Variants in TGFBR2 observed in about 807,000 individuals in gnomAD.
The protein encoded by TGFBR2 is TGF-beta receptor type-2.
A neutral mutation model predicts 49.0 loss-of-function variants in TGFBR2; 18 were observed. That is an observed-to-expected ratio of 0.37 (90% CI 0.25 to 0.54). TGFBR2 has a LOEUF of 0.54. Among genes scored for constraint, TGFBR2 ranks in the 20% least tolerant of loss-of-function variants. The pLI is 0.85. For missense variants in TGFBR2, 525 were observed against 722.6 expected (o/e 0.73, Z 3.13); for synonymous variants, 282 against 275.9 (o/e 1.02, Z -0.22).
At chr3:30,657,990 G>C (rs1699039819) in intron 3 of TGFBR2, among the ~76,000 whole-genome samples, 1 of 152,210 alleles carries the variant, frequency 6.6e-6, no homozygotes, top group South Asian at 2.1e-4. Flanking sequence ...ATACCGAGCA[G>C]GGGTCTGCAA....
chr3:30,681,172 A>G (rs1445071433), intron 5 of TGFBR2, among the ~76,000 whole-genome samples: 1 of 151,682 alleles, frequency 6.6e-6, no homozygotes, highest in African/African-American at 2.4e-5. Context: ...AAAAAAAAAA[A>G]AAAAAAAAAG....
At chr3:30,665,403 C>CT (rs2125426890) in intron 3 of TGFBR2, among the ~76,000 whole-genome samples, 1 of 152,312 alleles carries the variant, frequency 6.6e-6, no homozygotes, top group Admixed American at 6.5e-5. Flanking sequence ...GTAAGAGAAT[C>CT]TAACTCATAC....
chr3:30,688,601 G>C, intron 6 of TGFBR2, 90 bp downstream of exon 6: 2 of 1,563,068 alleles, frequency 1.3e-6, no homozygotes, highest in Non-Finnish European at 8.7e-7. Context: ...GCTTAAATCT[G>C]AGGGAAGGTC....
intron 1 of TGFBR2, among the ~76,000 whole-genome samples, chr3:30,628,207 G>A (rs1317091091): frequency 6.7e-6 from 1 of 149,764 alleles, no homozygotes; most frequent in African/African-American, 2.5e-5. Context: ...TATGCTTAAA[G>A]TCTATGAGCA....
rs764160271 is a variant in TGFBR2, at chr3:30,606,959, C to T, written c.76C>T (p.Pro26Ser). 19 of 1,601,360 alleles carry T rather than the reference C, an allele frequency of 1.2e-5. No homozygotes were observed. Among genetic ancestry groups the T allele is most frequent in the Non-Finnish European group, 1.6e-5 (19 of 1,174,334 alleles). ...LWTRIASTIP[P>S]HVQKSVNNDM... ...GACGCGTATCGCCAGCACGATCCCA[C>T]CGCACGTTCAGAAGTCGGGTGAGTG... Residue 26 changes from proline (P) to serine (S), a missense_variant, in exon 1 of 7, where the codon CCG becomes TCG. This residue lies in a region of TGFBR2 where 376 missense variants were observed against 478.2 expected (regional missense o/e 0.79). Transcript: ENST00000295754.
At chr3:30,613,914 G>A (rs918827624) in intron 1 of TGFBR2, among the ~76,000 whole-genome samples, 1 of 152,164 alleles carries the variant, frequency 6.6e-6, no homozygotes, top group Non-Finnish European at 1.5e-5. Flanking sequence ...ATCTGCAGCA[G>A]CAACATTCCT....
chr3:30,655,728 G>C (rs1698982083), intron 3 of TGFBR2, among the ~76,000 whole-genome samples: 1 of 152,162 alleles, frequency 6.6e-6, no homozygotes, highest in East Asian at 1.9e-4. Context: ...GCTGATAAAT[G>C]GTACCTGTGG....
chr3:30,609,811 T>C (rs1003641418), intron 1 of TGFBR2, among the ~76,000 whole-genome samples: 2 of 152,242 alleles, frequency 1.3e-5, no homozygotes, highest in African/African-American at 4.8e-5. Flanking sequence ...TTCAGTCTAC[T>C]CGTGCTTTTT....
At chr3:30,636,984 A>C (rs961173819) in intron 1 of TGFBR2, among the ~76,000 whole-genome samples, 2 of 151,790 alleles carry the variant, frequency 1.3e-5, no homozygotes, top group Admixed American at 1.3e-4. Context: ...GAATGGCGTG[A>C]ACCTGGGAGG....
At chr3:30,637,511 G>A (rs1480560846) in intron 1 of TGFBR2, among the ~76,000 whole-genome samples, 3 of 152,204 alleles carry the variant, frequency 2.0e-5, no homozygotes, top group Non-Finnish European at 4.4e-5. Context: ...AAGAGAGCCG[G>A]TTGATGTAGT....
At chr3:30,687,153 G>T (rs936534826) in intron 5 of TGFBR2, among the ~76,000 whole-genome samples, 1 of 152,198 alleles carries the variant, frequency 6.6e-6, no homozygotes, top group Non-Finnish European at 1.5e-5. Context: ...GATGTTCAAG[G>T]AAGTTTTTAT....
chr3:30,650,793 A>G (rs868600398), intron 3 of TGFBR2, among the ~76,000 whole-genome samples: 19 of 152,146 alleles, frequency 1.2e-4, no homozygotes. Context: ...GGCCCCACTA[A>G]ATGAGAAACA....
intron 1 of TGFBR2, among the ~76,000 whole-genome samples, chr3:30,627,022 A>G (rs538265299): frequency 2.0e-4 from 31 of 152,222 alleles, no homozygotes; most frequent in Non-Finnish European, 1.3e-4. Flanking sequence ...AAACCACTGC[A>G]AAGCCAGGAG....
chr3:30,640,572 A>G (rs1369517534), intron 1 of TGFBR2, among the ~76,000 whole-genome samples: 3 of 152,218 alleles, frequency 2.0e-5, no homozygotes, highest in Admixed American at 2.0e-4. Flanking sequence ...TTCTATGTAA[A>G]TAGTTGTTAT....
At chr3:30,633,599 G>A (rs1036265699) in intron 1 of TGFBR2, among the ~76,000 whole-genome samples, 17 of 152,166 alleles carry the variant, frequency 1.1e-4, no homozygotes, top group Non-Finnish European at 1.8e-4. Context: ...ATGAAGGAGT[G>A]TCAGGGAGGA....
rs1222341126 is a variant in TGFBR2 at position 30,650,008 on chromosome 3, C to T, written c.264-262C>T. On this transcript the variant is annotated intron_variant, in intron 2 of 6. Coordinates refer to ENST00000295754, the MANE Select transcript of TGFBR2 (RefSeq NM_003242.6). Reference sequence around the variant, plus strand: ...TCTCCACCAGGACTGCCCCGTGGAACGCTGTCTGCTCCAGGTGATGTTTAT... The same window carrying T: ...TCTCCACCAGGACTGCCCCGTGGAATGCTGTCTGCTCCAGGTGATGTTTAT... Among the ~76,000 whole-genome samples, 3 of 152,094 alleles carry T rather than the reference C, an allele frequency of 2.0e-5. No homozygotes were observed. In the East Asian group the frequency reaches 5.8e-4, roughly 29 times the overall value.
At chr3:30,612,326 G>A (rs1698044925) in intron 1 of TGFBR2, among the ~76,000 whole-genome samples, 1 of 152,166 alleles carries the variant, frequency 6.6e-6, no homozygotes, top group African/African-American at 2.4e-5. Context: ...GCATGTATGA[G>A]TGTGTGGCCC....
chr3:30,607,587 A>G (rs1575126244), intron 1 of TGFBR2, among the ~76,000 whole-genome samples: 1 of 151,984 alleles, frequency 6.6e-6, no homozygotes, highest in African/African-American at 2.4e-5. Flanking sequence ...TAGGGAGTGG[A>G]GATGCTCAGG....
At chr3:30,643,019 A>G (rs1313357289) in intron 1 of TGFBR2, among the ~76,000 whole-genome samples, 1 of 152,226 alleles carries the variant, frequency 6.6e-6, no homozygotes, top group Admixed American at 6.5e-5. Context: ...ACCACAAGAA[A>G]GCAAATCTTA....
Sources: allele counts gnomAD v4.1 joint callset (sites outside exome capture counted in the v4.1 genomes callset), GRCh38; gene constraint gnomAD v4.1.1; regional missense constraint gnomAD v4.1.1; transcripts MANE v1.5; gene names NCBI Gene and HGNC (gene_info 2026-07-23, HGNC 2026-07-21).